Variants in FSTL4 observed in about 807,000 individuals in gnomAD.
FSTL4 encodes the protein follistatin-related protein 4.
A neutral mutation model predicts 78.2 loss-of-function variants in FSTL4; 28 were observed. The observed-to-expected ratio is 0.36, with a 90% CI of 0.27 to 0.49. The LOEUF (loss-of-function observed/expected upper bound fraction) is 0.49. Among genes scored for constraint, FSTL4 ranks in the 20% least tolerant of loss-of-function variants. FSTL4 has a pLI of 0.98. For synonymous variants in FSTL4, 422 were observed against 440.5 expected, an observed-to-expected ratio of 0.96 and a Z score of 0.53; for missense variants, 922 against 1,084.9, an observed-to-expected ratio of 0.85 and a Z score of 2.11.
At position 133,515,677 on chromosome 5, in the gene FSTL4, CT is replaced by C. The variant is rs1311340809; in HGVS notation, c.160+51508del. On this transcript the variant is annotated intron_variant, in intron 3 of 15. Transcript: ENST00000265342. ...AGATTGGCTCAACAAATATCACCTG[CT>C]TTTTTTTTTTAAAAAAAAGCAAAAC... Among the ~76,000 whole-genome samples, 950 of 141,348 alleles carry C rather than the reference CT, an allele frequency of 6.7e-3. 6 individuals carry two copies. Among genetic ancestry groups the C allele is most frequent in the African/African-American group, 0.019 (673 of 35,670 alleles). 92.7% of individuals were successfully genotyped at this position (141,348 alleles called of 152,430 possible). A position where few individuals can be genotyped will look rare whatever the true frequency, so the allele number is the denominator to read the frequency against.
At chr5:133,391,249 T>C (rs1755842340) in intron 4 of FSTL4, among the ~76,000 whole-genome samples, 1 of 152,208 alleles carries the variant, frequency 6.6e-6, no homozygotes, top group Non-Finnish European at 1.5e-5. Context: ...TTGATCTTAA[T>C]TGAAGGCACG....
At chr5:133,795,744 A>G in the FSTL4 span, among the ~76,000 whole-genome samples, 1 of 152,222 alleles carries the variant, frequency 6.6e-6, no homozygotes, top group African/African-American at 2.4e-5. Context: ...GGAGAAAGAC[A>G]CAAGTGCTCA....
chr5:133,751,383 T>C, the FSTL4 span, among the ~76,000 whole-genome samples: 6 of 152,340 alleles, frequency 3.9e-5, no homozygotes, highest in Non-Finnish European at 7.3e-5. Context: ...GTCATTCCAG[T>C]GGCCTAGTTA....
the FSTL4 span, among the ~76,000 whole-genome samples, chr5:133,824,862 A>G: frequency 6.6e-6 from 1 of 152,082 alleles, no homozygotes; most frequent in African/African-American, 2.4e-5. Flanking sequence ...ATGGTACCTG[A>G]GTCCAGGACT....
At chr5:133,443,798 A>T (rs969416502) in intron 3 of FSTL4, among the ~76,000 whole-genome samples, 1 of 152,098 alleles carries the variant, frequency 6.6e-6, no homozygotes, top group African/African-American at 2.4e-5. Context: ...TTCCAGCCAC[A>T]CTTCACTGTC....
chr5:133,787,651 C>T, the FSTL4 span, among the ~76,000 whole-genome samples: 1 of 150,776 alleles, frequency 6.6e-6, no homozygotes, highest in African/African-American at 2.4e-5. Flanking sequence ...GTCCAACACT[C>T]AGAGCAACAA....
intron 6 of FSTL4, among the ~76,000 whole-genome samples, chr5:133,288,799 C>T (rs1342166011): frequency 1.3e-5 from 2 of 152,124 alleles, no homozygotes; most frequent in South Asian, 4.1e-4. Context: ...AGCTGGACAG[C>T]GCTGGAGGGG....
chr5:133,316,943 C>T (rs1414275054), intron 4 of FSTL4, among the ~76,000 whole-genome samples: 1 of 152,120 alleles, frequency 6.6e-6, no homozygotes, highest in Non-Finnish European at 1.5e-5. Context: ...AGAGTGACTG[C>T]CAGATGGAAT....
intron 3 of FSTL4, among the ~76,000 whole-genome samples, chr5:133,490,071 T>G (rs1012892901): frequency 6.6e-6 from 1 of 152,208 alleles, no homozygotes. Context: ...CTTTATAAAC[T>G]TAATTTTACC....
intron 4 of FSTL4, among the ~76,000 whole-genome samples, chr5:133,320,877 G>A (rs1442008789): frequency 4.0e-5 from 6 of 151,872 alleles, no homozygotes; most frequent in Non-Finnish European, 5.9e-5. Context: ...CATGGTGGCG[G>A]GCGCCTGTGG....
chr5:133,429,712 C>T (rs1266142023), intron 3 of FSTL4, among the ~76,000 whole-genome samples: 1 of 152,042 alleles, frequency 6.6e-6, no homozygotes, highest in Non-Finnish European at 1.5e-5. Context: ...TTGCTGGACT[C>T]CCTGGGTTGT....
intron 4 of FSTL4, among the ~76,000 whole-genome samples, chr5:133,381,211 C>G (rs1206655367): frequency 6.6e-6 from 1 of 152,212 alleles, no homozygotes; most frequent in Non-Finnish European, 1.5e-5. Flanking sequence ...AGAATGATTC[C>G]AGTTGCACAG....
At position 133,601,512 on chromosome 5, in the gene FSTL4, G is replaced by A. The variant is rs551094106; in HGVS notation, c.126+2346C>T. Among the ~76,000 whole-genome samples the A allele has an allele frequency of 4.6e-5, 7 of 152,286 alleles. No homozygotes were observed. The South Asian group carries it at 1.5e-3, about 32-fold the overall frequency. On this transcript the variant is annotated intron_variant, in intron 2 of 15. Coordinates refer to ENST00000265342, the MANE Select transcript of FSTL4 (RefSeq NM_015082.2). The stretch of plus-strand genomic sequence containing the variant: ...AGGAGAGTCAGGTGTAGAAAGCAAA[G>A]ACATAGAAAGGAGAGACAGCACGCT...
chr5:133,594,932 TAA>T (rs1404161595), intron 2 of FSTL4, among the ~76,000 whole-genome samples: 1 of 152,250 alleles, frequency 6.6e-6, no homozygotes, highest in Admixed American at 6.5e-5. Context: ...AATGACATTT[TAA>T]AAGAGTAGTT....
chr5:133,659,017 C>T, the FSTL4 span, among the ~76,000 whole-genome samples: 431 of 152,150 alleles, frequency 2.8e-3, 2 homozygotes, highest in Non-Finnish European at 4.3e-3. Context: ...GCTTTTAAAT[C>T]TAAGCAAAGC....
chr5:133,431,825 G>C (rs570928340), intron 3 of FSTL4, among the ~76,000 whole-genome samples: 1 of 152,132 alleles, frequency 6.6e-6, no homozygotes, highest in Admixed American at 6.5e-5. Flanking sequence ...TGGCCACCTG[G>C]GTCTAGGTAA....
At chr5:133,320,273 T>C (rs1352357959) in intron 4 of FSTL4, among the ~76,000 whole-genome samples, 1 of 152,066 alleles carries the variant, frequency 6.6e-6, no homozygotes, top group African/African-American at 2.4e-5. Context: ...CCTAGCAAGG[T>C]GTGTCAAAGT....
chr5:133,211,546 C>T (rs1016006561), intron 13 of FSTL4, among the ~76,000 whole-genome samples: 3 of 152,064 alleles, frequency 2.0e-5, no homozygotes, highest in Admixed American at 1.3e-4. Context: ...AAAACTGCAT[C>T]ATCTCTGCCT....
the FSTL4 span, among the ~76,000 whole-genome samples, chr5:133,792,210 G>A: frequency 6.6e-6 from 1 of 152,226 alleles, no homozygotes; most frequent in South Asian, 2.1e-4. Flanking sequence ...TGCAGTTGCT[G>A]CACAGCCTGC....
Sources: allele counts gnomAD v4.1 joint callset (sites outside exome capture counted in the v4.1 genomes callset), GRCh38; gene constraint gnomAD v4.1.1; transcripts MANE v1.5; gene names NCBI Gene and HGNC (gene_info 2026-07-23, HGNC 2026-07-21).